DCDC2: variants seen among roughly 807,000 people sequenced by gnomAD.
The protein encoded by DCDC2 is doublecortin domain-containing protein 2.
In DCDC2, 40 loss-of-function variants were observed where a neutral mutation model predicts 50.2. The observed-to-expected ratio is 0.80, with a 90% CI of 0.62 to 1.04. The LOEUF is 1.04. Among genes scored for constraint, DCDC2 ranks in the 50% least tolerant of loss-of-function variants. DCDC2 has a pLI of 0.00. For missense variants in DCDC2, 570 were observed against 581.9 expected (o/e 0.98, Z 0.21); for synonymous variants, 234 against 210.6 (o/e 1.11, Z -0.96).
intron 6 of DCDC2, among the ~76,000 whole-genome samples, chr6:24,281,381 C>A (rs1763465253): frequency 1.3e-5 from 2 of 148,286 alleles, no homozygotes; most frequent in African/African-American, 2.5e-5. Context: ...TGCTATGTTC[C>A]CCAGGCTGGC....
rs1160015384 is a variant in DCDC2, at chr6:24,172,663, C to T, written c.*2067G>A. The stretch of plus-strand genomic sequence containing the variant: ...TTTAGAAACTATTTGAAATCATTAA[C>T]TCCAGACCCAGTAATAGTGCACAAA... On this transcript the variant is annotated 3_prime_UTR_variant, in exon 10 of 10. Transcript: ENST00000378454. 3 of 152,112 alleles carry T rather than the reference C, an allele frequency of 2.0e-5. No homozygotes were observed. Among genetic ancestry groups the T allele is most frequent in the African/African-American group, 7.2e-5 (3 of 41,408 alleles). The allele number at this position is 152,112 out of a possible 1,614,324, so 9.4% of individuals were successfully genotyped here.
In DCDC2 at chr6:24,174,202, A is replaced by C. The variant is rs1294459653; in HGVS notation, c.*528T>G. On this transcript the variant is annotated 3_prime_UTR_variant, in exon 10 of 10. Transcript: ENST00000378454. ...GTAGTTCAAAGGTGGATTTTGGCTA[A>C]GGAGGAAGAAAGAAAGGCATGTTAA... 6.5e-6 allele frequency: 1 copy of C among 152,786 alleles called. No individual in the cohort carries two copies. Among genetic ancestry groups the C allele is most frequent in the East Asian group, 1.9e-4 (1 of 5,198 alleles). The allele number at this position is 152,786 out of a possible 1,614,324, so 9.5% of individuals were successfully genotyped here.
At chr6:24,268,563 C>T (rs189117760) in intron 7 of DCDC2, among the ~76,000 whole-genome samples, 174 of 152,182 alleles carry the variant, frequency 1.1e-3, no homozygotes, top group Non-Finnish European at 2.0e-3. Flanking sequence ...TGACAGTAAA[C>T]GCCCTGGGTA....
upstream of DCDC2, among the ~76,000 whole-genome samples, chr6:24,359,198 ATATATATTT>A (rs1485553957): frequency 3.0e-3 from 130 of 42,652 alleles, no homozygotes; most frequent in Non-Finnish European, 4.5e-3. Context: ...TTTATATATT[ATATATATTT>A]TATATATTAT....
At chr6:24,263,228 A>G (rs1424224011) in intron 7 of DCDC2, among the ~76,000 whole-genome samples, 1 of 152,198 alleles carries the variant, frequency 6.6e-6, no homozygotes, top group Non-Finnish European at 1.5e-5. Context: ...ATTACAACAC[A>G]CAACACACTT....
intron 7 of DCDC2, among the ~76,000 whole-genome samples, chr6:24,241,624 A>G (rs12199068): frequency 0.14 from 21,438 of 152,258 alleles, 1,786 homozygotes; most frequent in African/African-American, 0.23. Context: ...ATATTCATGA[A>G]AAGTTTACTA....
At chr6:24,181,890 T>C (rs1234483511) in intron 8 of DCDC2, among the ~76,000 whole-genome samples, 5 of 152,206 alleles carry the variant, frequency 3.3e-5, no homozygotes, top group Non-Finnish European at 5.9e-5. Context: ...AGATGGAGAA[T>C]TCCCACTTCT....
At chr6:24,354,223 T>G (rs1485009455) in intron 1 of DCDC2, among the ~76,000 whole-genome samples, 1 of 152,198 alleles carries the variant, frequency 6.6e-6, no homozygotes, top group East Asian at 1.9e-4. Flanking sequence ...TCTTTAGCTG[T>G]TACATAAGCA....
At chr6:24,337,529 C>T (rs1440170680) in intron 2 of DCDC2, among the ~76,000 whole-genome samples, 1 of 152,120 alleles carries the variant, frequency 6.6e-6, no homozygotes, top group African/African-American at 2.4e-5. Context: ...CACGGTGGCT[C>T]ACACCTGTAA....
intron 9 of DCDC2, among the ~76,000 whole-genome samples, chr6:24,177,561 G>A (rs1490574795): frequency 2.0e-5 from 3 of 152,172 alleles, no homozygotes; most frequent in Non-Finnish European, 4.4e-5. Context: ...TAAGCAGATG[G>A]TGAGAATGTT....
chr6:24,178,339 T>A lies in DCDC2; in HGVS notation c.1317A>T (p.Gly439=). The A allele has an allele frequency of 2.5e-6, 4 of 1,613,288 alleles. No individual in the cohort carries two copies. The highest frequency in any genetic ancestry group is 3.4e-6 in the Non-Finnish European group (4 of 1,179,410). Residue 439 remains glycine (G), a synonymous_variant, in exon 9 of 10, where the codon GGA becomes GGT. Transcript: ENST00000378454. ...KERKSQGAGS[G]QDEADVDPQR... ...AAAGCAATAGAAATACCTCATCTTG[T>A]CCACTGCCAGCTCCTTGAGACTTTC...
At chr6:24,362,188 G>A (rs1760675077), upstream of DCDC2, among the ~76,000 whole-genome samples, 1 of 150,648 alleles carries the variant, frequency 6.6e-6, no homozygotes, top group Non-Finnish European at 1.5e-5. Flanking sequence ...TTATTTAATT[G>A]TATATTTATA....
intron 7 of DCDC2, among the ~76,000 whole-genome samples, chr6:24,273,594 T>C (rs1233662319): frequency 6.6e-6 from 1 of 152,212 alleles, no homozygotes; most frequent in African/African-American, 2.4e-5. Flanking sequence ...CCAGATTTGA[T>C]ATCCCTTAGG....
In DCDC2 at chr6:24,357,504, C is replaced by T. The variant is rs764953532; in HGVS notation, c.247G>A (p.Gly83Arg). The change falls in exon 1 of 10, where the codon GGG becomes AGG. Residue 83 changes from glycine to arginine, a missense_variant. Physicochemically the swap from Gly to Arg is moderately radical, Grantham distance 125. Coordinates refer to ENST00000378454, the MANE Select transcript of DCDC2 (RefSeq NM_016356.5). ...TGGCCTCCAGCCACGTAATTGCCCC[C>T]GCTCTGGATCTGGTCTAGCTTCCGG... ...RIRKLDQIQS[G>R]GNYVAGGQEA... The T allele has an allele frequency of 6.2e-7, 1 of 1,611,854 alleles. No homozygotes were observed. Among genetic ancestry groups the T allele is most frequent in the East Asian group, 2.2e-5 (1 of 44,850 alleles).
chr6:24,339,304 C>T (rs1291511927), intron 2 of DCDC2, among the ~76,000 whole-genome samples: 1 of 152,192 alleles, frequency 6.6e-6, no homozygotes, highest in East Asian at 1.9e-4. Flanking sequence ...CCGCCTGTAT[C>T]CTCCCACACA....
At chr6:24,321,312 G>A (rs1351856859) in intron 2 of DCDC2, among the ~76,000 whole-genome samples, 4 of 152,088 alleles carry the variant, frequency 2.6e-5, no homozygotes, top group African/African-American at 9.7e-5. Context: ...TTAAGAAACA[G>A]TATATTTGCA....
chr6:24,261,088 G>A (rs1329033870), intron 7 of DCDC2, among the ~76,000 whole-genome samples: 1 of 151,884 alleles, frequency 6.6e-6, no homozygotes, highest in African/African-American at 2.4e-5. Context: ...CAGAAGAATA[G>A]TAATTCATTT....
chr6:24,197,670 G>A (rs1761477165), intron 8 of DCDC2, among the ~76,000 whole-genome samples: 1 of 152,200 alleles, frequency 6.6e-6, no homozygotes, highest in African/African-American at 2.4e-5. Context: ...GACGACACTT[G>A]CAGAAAATGC....
intron 8 of DCDC2, among the ~76,000 whole-genome samples, chr6:24,204,759 G>A (rs1249653566): frequency 6.6e-6 from 1 of 151,914 alleles, no homozygotes; most frequent in Non-Finnish European, 1.5e-5. Flanking sequence ...GCTCTTCAAT[G>A]CTCTTTATTA....
Sources: gnomAD v4.1 joint callset for allele counts (sites outside exome capture counted in the v4.1 genomes callset) on GRCh38, gnomAD v4.1.1 for gene constraint, MANE v1.5 for transcripts, NCBI Gene and HGNC (gene_info 2026-07-23, HGNC 2026-07-21) for gene names.